The following DENND1B variants were observed in gnomAD, a reference collection of about 807,000 sequenced individuals.
DENND1B encodes DENN domain containing 1B.
DENND1B carries 59 observed loss-of-function variants against 90.1 expected under a neutral mutation model. The ratio of observed to expected loss-of-function variants is 0.65; its 90% CI spans 0.53 to 0.81. DENND1B has a LOEUF of 0.81. DENND1B is among the 40% of genes least tolerant of loss of function. DENND1B has a pLI of 0.00. For missense variants in DENND1B, 862 were observed against 912.6 expected, an observed-to-expected ratio of 0.94 and a Z score of 0.71; for synonymous variants, 337 against 324.6, an observed-to-expected ratio of 1.04 and a Z score of -0.41.
Position 197,560,145 on chromosome 1 carries a change from A to G in DENND1B, c.1150-7033T>C, listed in dbSNP as rs931562107. Reference sequence around the variant, plus strand: ...TAAGACAACAATACTACTTTCAAGGATATGTCAATTGACATTAAATAATGT... The same window carrying G: ...TAAGACAACAATACTACTTTCAAGGGTATGTCAATTGACATTAAATAATGT... On this transcript the variant is annotated intron_variant, in intron 15 of 22. Coordinates refer to ENST00000620048, the MANE Select transcript of DENND1B (RefSeq NM_001195215.2). Among the ~76,000 whole-genome samples the G allele has an allele frequency of 3.3e-5, 5 of 151,966 alleles. No individual in the cohort carries two copies. In the South Asian group the frequency reaches 6.2e-4, roughly 19 times the overall value.
intron 2 of DENND1B, among the ~76,000 whole-genome samples, chr1:197,749,071 C>A (rs1239729063): frequency 1.3e-5 from 2 of 151,772 alleles, no homozygotes; most frequent in African/African-American, 4.8e-5. Flanking sequence ...AACCTAAGTA[C>A]AGAATAATTG....
chr1:197,587,985 T>C (rs552794402), intron 14 of DENND1B, among the ~76,000 whole-genome samples: 1 of 152,040 alleles, frequency 6.6e-6, no homozygotes, highest in Non-Finnish European at 1.5e-5. Context: ...TTTGCTCCTA[T>C]GAGACAGGAG....
intron 14 of DENND1B, among the ~76,000 whole-genome samples, chr1:197,591,112 GA>G (rs1450276918): frequency 1.3e-5 from 2 of 152,086 alleles, no homozygotes; most frequent in African/African-American, 4.8e-5. Flanking sequence ...TGAAAGACAT[GA>G]AAAATGCACA....
At chr1:197,608,482 A>T (rs1676886930) in intron 12 of DENND1B, among the ~76,000 whole-genome samples, 1 of 150,618 alleles carries the variant, frequency 6.6e-6, no homozygotes, top group South Asian at 2.1e-4. Flanking sequence ...TTAAATACAT[A>T]TATGTGTAGT....
rs764726999 is a variant in DENND1B at position 197,658,336 on chromosome 1, A to G, written c.330T>C (p.Leu110=). 1.9e-5 allele frequency: 31 copies of G among 1,610,394 alleles called. No homozygotes were observed. Among genetic ancestry groups the G allele is most frequent in the Non-Finnish European group, 2.6e-5 (31 of 1,177,906 alleles). ...YLPWFEVYYK[L]LNTLADYLAK... is the part of the protein sequence containing the mutation. Reference sequence around the variant, plus strand: ...CCAAGTAATCTGCAAGAGTATTTAGAAGCTTGTAATACACTTCAAACCAGG... The same window carrying G: ...CCAAGTAATCTGCAAGAGTATTTAGGAGCTTGTAATACACTTCAAACCAGG... Residue 110 remains leucine, a synonymous_variant, in exon 6 of 23, where the codon CTT becomes CTC. Transcript: ENST00000620048.
chr1:197,606,370 C>CAGAT (rs1676684377), intron 13 of DENND1B: 3 of 151,118 alleles, frequency 2.0e-5, no homozygotes, highest in African/African-American at 2.4e-5. Context: ...TCAAAAGGAT[C>CAGAT]AGATGTCTTT....
At chr1:197,546,709 T>A (rs1199747499) in intron 17 of DENND1B, 24 bp downstream of exon 17, 2 of 1,537,030 alleles carry the variant, frequency 1.3e-6, no homozygotes, top group Non-Finnish European at 8.8e-7. Flanking sequence ...AGTGAAAGAA[T>A]AACATTTGAA....
chr1:197,768,937 A>G (rs1417822764), intron 2 of DENND1B, among the ~76,000 whole-genome samples: 5 of 152,194 alleles, frequency 3.3e-5, no homozygotes, highest in Admixed American at 1.3e-4. Context: ...TCACAATCTT[A>G]CCAGAGGAGC....
At chr1:197,534,472 C>T (rs957586242) in intron 20 of DENND1B, among the ~76,000 whole-genome samples, 10 of 152,190 alleles carry the variant, frequency 6.6e-5, no homozygotes, top group Non-Finnish European at 1.3e-4. Flanking sequence ...ATTTGTGGAT[C>T]TAAAACATCT....
At chr1:197,580,320 G>C (rs563530697) in intron 15 of DENND1B, among the ~76,000 whole-genome samples, 1 of 144,372 alleles carries the variant, frequency 6.9e-6, no homozygotes, top group African/African-American at 2.6e-5. Context: ...GGATGGTCTC[G>C]ATCTCCTGAC....
intron 18 of DENND1B, 31 bp from the exon 19 acceptor site, chr1:197,541,046 A>G: frequency 6.2e-7 from 1 of 1,602,214 alleles, no homozygotes. Context: ...TGCCTGGCTC[A>G]GGATGGTTCC....
chr1:197,519,233 G>A (rs1482545466), intron 20 of DENND1B, among the ~76,000 whole-genome samples: 1 of 151,812 alleles, frequency 6.6e-6, no homozygotes, highest in Non-Finnish European at 1.5e-5. Flanking sequence ...TGAGTCATAA[G>A]TTTATTTTTA....
At chr1:197,527,724 T>A (rs1263866817) in intron 20 of DENND1B, among the ~76,000 whole-genome samples, 3 of 152,234 alleles carry the variant, frequency 2.0e-5, no homozygotes, top group African/African-American at 7.2e-5. Context: ...ATTTGTATTA[T>A]TTTGTAAACG....
chr1:197,539,977 C>T lies in DENND1B; in HGVS notation c.1502G>A (p.Arg501His), dbSNP rs140388741. The change falls in exon 20 of 23, where the codon CGT (arginine) becomes CAT (histidine). Residue 501 changes from arginine (R) to histidine (H), a missense_variant. Transcript: ENST00000620048. ...AACCTTACTTACCTGAGCAAGCTTA[C>T]GCTTTTCTGAGTTTCCTCCCTTTTC... ...HNEKGGNSEK[R>H]KLAQARLKRP... 1.3e-4 allele frequency: 205 copies of T among 1,612,336 alleles called. No individual in the cohort carries two copies. The highest frequency in any genetic ancestry group is 5.8e-4 in the East Asian group (26 of 44,728).
At chr1:197,574,283 C>A (rs1269524265) in intron 15 of DENND1B, among the ~76,000 whole-genome samples, 2 of 152,118 alleles carry the variant, frequency 1.3e-5, no homozygotes, top group Admixed American at 1.3e-4. Flanking sequence ...CACAAGCATT[C>A]CTGTACACCA....
At chr1:197,580,508 T>A (rs1327667800) in intron 15 of DENND1B, among the ~76,000 whole-genome samples, 1 of 152,144 alleles carries the variant, frequency 6.6e-6, no homozygotes, top group Non-Finnish European at 1.5e-5. Flanking sequence ...TGAAGGTGAT[T>A]TCCTGAAGAG....
At chr1:197,562,586 T>C (rs1248548077) in intron 15 of DENND1B, among the ~76,000 whole-genome samples, 2 of 151,906 alleles carry the variant, frequency 1.3e-5, no homozygotes, top group East Asian at 1.9e-4. Context: ...GCAAGCTTAA[T>C]TGATAAATGT....
rs1209164524 is a variant in DENND1B, at chr1:197,622,466, A to AT, written c.673-4708dup. ...TATACAAAGATTTTAAATTATCATC[A>AT]TTATGAGGCTTTGAATAGCATCCAC... On this transcript the variant is annotated intron_variant, in intron 10 of 22. Transcript: ENST00000620048. 5.3e-5 allele frequency among the ~76,000 whole-genome samples: 8 copies of AT among 151,532 alleles called. No homozygotes were observed. The East Asian group carries it at 1.6e-3, about 30-fold the overall frequency.
intron 20 of DENND1B, among the ~76,000 whole-genome samples, chr1:197,536,121 A>G (rs1669862171): frequency 7.6e-6 from 1 of 131,158 alleles, no homozygotes; most frequent in African/African-American, 2.9e-5. Flanking sequence ...AGGGAGGGAG[A>G]GAGGGAGAGA....
Sources: gnomAD v4.1 joint callset for allele counts (sites outside exome capture counted in the v4.1 genomes callset) on GRCh38, gnomAD v4.1.1 for gene constraint, MANE v1.5 for transcripts, NCBI Gene and HGNC (gene_info 2026-07-23, HGNC 2026-07-21) for gene names.